Variants in BLOC1S1 observed in about 807,000 individuals in gnomAD.
BLOC1S1 encodes the protein biogenesis of lysosomal organelles complex 1 subunit 1.
In BLOC1S1, 11 loss-of-function variants were observed where a neutral mutation model predicts 19.0. The ratio of observed to expected loss-of-function variants is 0.58; its 90% CI spans 0.37 to 0.96. The LOEUF (loss-of-function observed/expected upper bound fraction) is 0.96. BLOC1S1 is among the 40% of genes least tolerant of loss of function. The probability of loss-of-function intolerance (pLI) is 0.01; values close to 1 mark genes in which losing one functional copy is unlikely to be tolerated. For synonymous variants in BLOC1S1, 94 were observed against 76.4 expected (o/e 1.23, Z -1.20); for missense variants, 220 against 195.9 (o/e 1.12, Z -0.73).
chr12:55,716,866 G>C lies in BLOC1S1; in HGVS notation c.146-67G>C, dbSNP rs1204152768. 3 of 1,452,792 alleles carry C rather than the reference G, an allele frequency of 2.1e-6. No individual in the cohort carries two copies. In the East Asian group the frequency reaches 7.6e-5, roughly 37 times the overall value. The allele number at this position is 1,452,792 out of a possible 1,614,324, so 90.0% of individuals were successfully genotyped here. Reference sequence around the variant, plus strand: ...TAGCAGAATAGTAATGGATGGGTAGGGAACCTTTAACACTACCCCTCAAAA... The same window carrying C: ...TAGCAGAATAGTAATGGATGGGTAGCGAACCTTTAACACTACCCCTCAAAA... On this transcript the variant is annotated intron_variant, in intron 1 of 3. Transcript: ENST00000548925.
At position 55,716,928 on chromosome 12, in the gene BLOC1S1, C is replaced by G; in HGVS notation, c.146-5C>G. 6.3e-7 allele frequency: 1 copy of G among 1,583,674 alleles called. No homozygotes were observed. The highest frequency in any genetic ancestry group is 1.2e-5 in the South Asian group (1 of 86,136). On this transcript the variant is annotated splice_polypyrimidine_tract_variant and splice_region_variant and intron_variant, in intron 1 of 3. Coordinates refer to ENST00000548925, the MANE Select transcript of BLOC1S1 (RefSeq NM_001487.4). ...CCCTCCAATTCCTTTTCCCCCTCTC[C>G]CCAGAAAAGAGGAGGCGAGAGGCTA...
At chr12:55,716,595 C>G in intron 1 of BLOC1S1, 1 of 1,216,590 alleles carries the variant, frequency 8.2e-7, no homozygotes, top group Non-Finnish European at 1.0e-6. Flanking sequence ...GGAGGTGGGG[C>G]ACTTGTTTCC....
chr12:55,716,125 C>G lies in BLOC1S1; in HGVS notation c.74C>G (p.Pro25Arg), dbSNP rs752579209. 6.2e-7 allele frequency: 1 copy of G among 1,610,260 alleles called. No individual in the cohort carries two copies. The highest frequency in any genetic ancestry group is 2.2e-5 in the East Asian group (1 of 44,588). Residue 25 changes from proline to arginine, a missense_variant, in exon 1 of 4, where the codon CCC becomes CGC. Physicochemically the swap from Pro to Arg is moderately radical, Grantham distance 103. Coordinates refer to ENST00000548925, the MANE Select transcript of BLOC1S1 (RefSeq NM_001487.4). ...GGGCCCGGCGTACCCAGCCCCCAGCCCGACGTGACCATGCTGTCCCGCCTC... is the reference window on the plus strand; with the variant it reads ...GGGCCCGGCGTACCCAGCCCCCAGCGCGACGTGACCATGCTGTCCCGCCTC... ...RRGPGVPSPQ[P>R]DVTMLSRLLK... is the part of the protein sequence containing the mutation.
intron 3 of BLOC1S1, 90 bp from the exon 4 acceptor site, chr12:55,719,409 C>T: frequency 6.8e-7 from 1 of 1,461,804 alleles, no homozygotes; most frequent in Non-Finnish European, 9.6e-7. Flanking sequence ...AAGCCTTTTC[C>T]AGGAGATGAA....
At chr12:55,717,055 GT>G in intron 2 of BLOC1S1, 50 bp downstream of exon 2, 1 of 1,493,086 alleles carries the variant, frequency 6.7e-7, no homozygotes, top group Non-Finnish European at 9.1e-7. Context: ...CCCCGCCCAA[GT>G]TTAGGCACTG....
Position 55,719,502 on chromosome 12 carries a change from A to G in BLOC1S1, c.355A>G (p.Ile119Val). The change falls in exon 4 of 4, where the codon ATT becomes GTT. Residue 119 changes from isoleucine (I) to valine (V), a missense_variant. Ile to Val is a conservative substitution (Grantham distance 29). Transcript: ENST00000548925. ...VENFNQALKE[I>V]GDVENWARSI... The stretch of plus-strand genomic sequence containing the variant: ...CACCTCCTCTCCCCCTTCCCAGGAA[A>G]TTGGGGATGTGGAGAACTGGGCTCG... 6.2e-7 allele frequency: 1 copy of G among 1,613,968 alleles called. No individual in the cohort carries two copies. The highest frequency in any genetic ancestry group is 8.5e-7 in the Non-Finnish European group (1 of 1,179,858).
chr12:55,719,006 ACTC>A lies in BLOC1S1; in HGVS notation c.219-83_219-81del, dbSNP rs1876774240. 2.7e-6 allele frequency: 4 copies of A among 1,509,352 alleles called. No homozygotes were observed. The Admixed American group carries it at 8.6e-5, about 32-fold the overall frequency. 93.5% of individuals were successfully genotyped at this position (1,509,352 alleles called of 1,614,324 possible). A position where few individuals can be genotyped will look rare whatever the true frequency, so the allele number is the denominator to read the frequency against. On this transcript the variant is annotated intron_variant, in intron 2 of 3. Coordinates refer to ENST00000548925, the MANE Select transcript of BLOC1S1 (RefSeq NM_001487.4). ...ATTATGAGCCCTGATTCTTGGCTGA[ACTC>A]CCACTGCTGCAATGGAATATTAGTC...
intron 2 of BLOC1S1, among the ~76,000 whole-genome samples, chr12:55,717,871 A>C (rs1413062439): frequency 6.6e-6 from 1 of 152,100 alleles, no homozygotes; most frequent in Admixed American, 6.5e-5. Flanking sequence ...AATGGGGAAA[A>C]CCAGAAGTTC....
rs368964350 is a variant in BLOC1S1, at chr12:55,716,087, C to T, written c.36C>T (p.Phe12=). Residue 12 remains phenylalanine (F), a synonymous_variant, in exon 1 of 4, where the codon TTC becomes TTT. Transcript: ENST00000548925. ...APGSRGERSS[F]RSRRGPGVPS... is the part of the protein sequence containing the mutation. The stretch of plus-strand genomic sequence containing the variant: ...GGAGCCGAGGTGAGCGTTCCAGCTT[C>T]CGGAGCCGGAGGGGGCCCGGCGTAC... The T allele has an allele frequency of 4.2e-5, 66 of 1,582,914 alleles. No individual in the cohort carries two copies. In the African/African-American group the frequency reaches 7.0e-4, roughly 17 times the overall value.
chr12:55,717,044 AC>A, intron 2 of BLOC1S1, 39 bp downstream of exon 2: 3 of 1,523,140 alleles, frequency 2.0e-6, no homozygotes, highest in South Asian at 1.3e-5. Context: ...CTCCTTCCCC[AC>A]CCCGCCCAAG....
At chr12:55,717,396 G>A (rs996904625) in intron 2 of BLOC1S1, among the ~76,000 whole-genome samples, 1 of 152,208 alleles carries the variant, frequency 6.6e-6, no homozygotes, top group Non-Finnish European at 1.5e-5. Context: ...CAAGCCTGGG[G>A]AGCAGCTGGC....
At chr12:55,718,207 C>T (rs148905193) in intron 2 of BLOC1S1, among the ~76,000 whole-genome samples, 2,230 of 152,306 alleles carry the variant, frequency 0.015, 58 homozygotes, top group African/African-American at 0.051. Context: ...TGTCAGGTGT[C>T]CTGCCCACTC....
At position 55,719,612 on chromosome 12, in the gene BLOC1S1, C is replaced by G. The variant is rs376118765; in HGVS notation, c.*3C>G. The G allele has an allele frequency of 2.5e-6, 4 of 1,613,072 alleles. No individual in the cohort carries two copies. In the African/African-American group the frequency reaches 5.3e-5, roughly 22 times the overall value. On this transcript the variant is annotated 3_prime_UTR_variant, in exon 4 of 4. Coordinates refer to ENST00000548925, the MANE Select transcript of BLOC1S1 (RefSeq NM_001487.4). ...AGCTGCAGTCTGCCCCTTCCTAGCCCCTGTTCCCTCCCCCAACCCTATCCC... is the reference window on the plus strand; with the variant it reads ...AGCTGCAGTCTGCCCCTTCCTAGCCGCTGTTCCCTCCCCCAACCCTATCCC...
intron 1 of BLOC1S1, 186 bp downstream of exon 1, chr12:55,716,382 C>T: frequency 5.6e-6 from 8 of 1,426,138 alleles, no homozygotes; most frequent in Non-Finnish European, 7.3e-6. Context: ...TGGCTCCGGT[C>T]CCTTGGGCAA....
chr12:55,719,458 A>T (rs1391479766), intron 3 of BLOC1S1, 41 bp from the exon 4 acceptor site: 1 of 1,584,084 alleles, frequency 6.3e-7, no homozygotes. Flanking sequence ...TACTCTACCC[A>T]TTCTGATTCC....
intron 1 of BLOC1S1, 56 bp from the exon 2 acceptor site, chr12:55,716,877 C>T: frequency 1.3e-6 from 2 of 1,517,966 alleles, no homozygotes; most frequent in Non-Finnish European, 1.8e-6. Flanking sequence ...GAACCTTTAA[C>T]ACTACCCCTC....
chr12:55,718,550 G>A (rs1446082882), intron 2 of BLOC1S1, among the ~76,000 whole-genome samples: 1 of 151,994 alleles, frequency 6.6e-6, no homozygotes, highest in Admixed American at 6.5e-5. Flanking sequence ...GTGGGCAAAA[G>A]CGAAGGCTTG....
intron 2 of BLOC1S1, among the ~76,000 whole-genome samples, chr12:55,717,949 A>G (rs1366212382): frequency 6.6e-6 from 1 of 152,120 alleles, no homozygotes; most frequent in Non-Finnish European, 1.5e-5. Context: ...TGTCTCCCAA[A>G]AAGAAGGAAC....
chr12:55,718,441 T>C (rs1254579020), intron 2 of BLOC1S1, among the ~76,000 whole-genome samples: 1 of 152,020 alleles, frequency 6.6e-6, no homozygotes, highest in Non-Finnish European at 1.5e-5. Context: ...CCACAGCCCA[T>C]ACCTTGATTG....
Sources: gnomAD v4.1 joint callset for allele counts (sites outside exome capture counted in the v4.1 genomes callset) on GRCh38, gnomAD v4.1.1 for gene constraint, MANE v1.5 for transcripts, NCBI Gene and HGNC (gene_info 2026-07-23, HGNC 2026-07-21) for gene names.